Variants in SLC12A6 observed in about 807,000 individuals in gnomAD.
SLC12A6 encodes the protein solute carrier family 12 member 6, also known as K-Cl cotransporter 3.
SLC12A6 carries 66 observed loss-of-function variants against 135.3 expected under a neutral mutation model. That is an observed-to-expected ratio of 0.49 (90% CI 0.40 to 0.60). The LOEUF is 0.60. Among genes scored for constraint, SLC12A6 ranks in the 20% least tolerant of loss-of-function variants. SLC12A6 has a pLI of 0.00. For missense variants in SLC12A6, 1,058 were observed against 1,452.3 expected (o/e 0.73, Z 4.41); for synonymous variants, 513 against 508.8 (o/e 1.01, Z -0.11).
In SLC12A6 at chr15:34,252,276, G is replaced by T. The variant is rs1406437834; in HGVS notation, c.1227C>A (p.Phe409Leu). ...MTVPSKLWGF[F>L]CNSSQFFNAT... The stretch of plus-strand genomic sequence containing the variant: ...CATTGAAAAATTGACTCGAGTTACA[G>T]AAGAATCCCCATAACTTTGATGGGA... Residue 409 changes from phenylalanine (F) to leucine (L), a missense_variant, in exon 10 of 26, where the codon TTC (phenylalanine) becomes TTA (leucine). By Grantham distance (22) the Phe-to-Leu change is conservative. Transcript: ENST00000354181. The T allele has an allele frequency of 6.2e-7, 1 of 1,606,200 alleles. No homozygotes were observed. The highest frequency in any genetic ancestry group is 1.7e-5 in the Admixed American group (1 of 59,988).
intron 9 of SLC12A6, among the ~76,000 whole-genome samples, chr15:34,253,957 C>G (rs538955398): frequency 6.6e-6 from 1 of 152,330 alleles, no homozygotes; most frequent in South Asian, 2.1e-4. Flanking sequence ...TGGCTCACGC[C>G]TGTAATCCCA....
chr15:34,261,266 T>G (rs1341955233), intron 3 of SLC12A6, among the ~76,000 whole-genome samples: 1 of 152,026 alleles, frequency 6.6e-6, no homozygotes. Context: ...TCAAGACCCC[T>G]AGAGACGCTA....
intron 2 of SLC12A6, among the ~76,000 whole-genome samples, chr15:34,295,040 G>A (rs1175937711): frequency 6.6e-6 from 1 of 152,150 alleles, no homozygotes; most frequent in East Asian, 1.9e-4. Context: ...AACAACAATA[G>A]AAAGAATTAT....
At chr15:34,326,338 G>C (rs1290070195) in intron 2 of SLC12A6, among the ~76,000 whole-genome samples, 1 of 152,104 alleles carries the variant, frequency 6.6e-6, no homozygotes, top group East Asian at 1.9e-4. Flanking sequence ...ATGCTTGCTA[G>C]ATTAAAAACG....
At chr15:34,326,858 C>CTTTTTTTT (rs397963192) in intron 2 of SLC12A6, among the ~76,000 whole-genome samples, 2 of 72,176 alleles carry the variant, frequency 2.8e-5, no homozygotes, top group African/African-American at 8.4e-5. Context: ...CAACTGGCTG[C>CTTTTTTTT]TTTTTTTTTT....
At chr15:34,292,721 C>T (rs1479336276) in intron 2 of SLC12A6, among the ~76,000 whole-genome samples, 2 of 150,962 alleles carry the variant, frequency 1.3e-5, no homozygotes, top group African/African-American at 2.5e-5. Flanking sequence ...TCACCAATGG[C>T]AGACGCCCCT....
rs1179719938 is a variant in SLC12A6, at chr15:34,233,525, C to A, written c.*356G>T. On this transcript the variant is annotated 3_prime_UTR_variant, in exon 26 of 26. Coordinates refer to ENST00000354181, the MANE Select transcript of SLC12A6 (RefSeq NM_001365088.1). ...TGACTTCTGAGATTCATCTTTAATGCTGAATACGTACTTGACTTGCTTTTT... is the reference window on the plus strand; with the variant it reads ...TGACTTCTGAGATTCATCTTTAATGATGAATACGTACTTGACTTGCTTTTT... 7.6e-6 allele frequency: 2 copies of A among 263,784 alleles called. No individual in the cohort carries two copies. The highest frequency in any genetic ancestry group is 1.7e-4 in the East Asian group (2 of 12,094). 16.3% of individuals were successfully genotyped at this position (263,784 alleles called of 1,614,324 possible).
At chr15:34,238,078 T>G (rs1024110899) in intron 21 of SLC12A6, among the ~76,000 whole-genome samples, 154 bp downstream of exon 21, 2 of 152,230 alleles carry the variant, frequency 1.3e-5, no homozygotes, top group Non-Finnish European at 2.9e-5. Context: ...ATTTCTCTTG[T>G]TTGAAAGTGG....
At chr15:34,295,324 CAT>C (rs765297468) in intron 2 of SLC12A6, among the ~76,000 whole-genome samples, 9 of 152,194 alleles carry the variant, frequency 5.9e-5, no homozygotes, top group African/African-American at 1.2e-4. Context: ...AGCTCTACCA[CAT>C]GTTATTAGTG....
intron 4 of SLC12A6, among the ~76,000 whole-genome samples, chr15:34,259,782 T>C (rs559480385): frequency 6.6e-6 from 1 of 152,374 alleles, no homozygotes; most frequent in African/African-American, 2.4e-5. Context: ...GTCCATGTTG[T>C]CTTATTCAGA....
At chr15:34,323,804 T>C (rs1274533823) in intron 2 of SLC12A6, among the ~76,000 whole-genome samples, 1 of 152,016 alleles carries the variant, frequency 6.6e-6, no homozygotes, top group East Asian at 1.9e-4. Context: ...TCAGAAAAAT[T>C]TAGCCAGGTT....
rs199747285 is a variant in SLC12A6 at position 34,260,958 on chromosome 15, C to A, written c.379G>T (p.Glu127Ter). The change falls in exon 4 of 26, where the codon GAA becomes TAA. Residue 127 changes from glutamate to a stop codon, truncating the protein, a stop_gained. Coordinates refer to ENST00000354181, the MANE Select transcript of SLC12A6 (RefSeq NM_001365088.1). LOFTEE classifies it high-confidence loss of function. Reference protein sequence around the residue: ...LNNSNYEEGDEYFDKNLALFE... With the variant: ...LNNSNYEEGD ...AGTGCCAAATTTTTATCAAAATATT[C>A]ATCTCCTTCTTCATAATTGGAATTA... 5.2e-6 allele frequency: 8 copies of A among 1,540,642 alleles called. No homozygotes were observed. The highest frequency in any genetic ancestry group is 1.8e-6 in the Non-Finnish European group (2 of 1,113,370).
chr15:34,303,462 T>C (rs560599271), intron 2 of SLC12A6, among the ~76,000 whole-genome samples: 7 of 152,322 alleles, frequency 4.6e-5, no homozygotes, highest in East Asian at 1.9e-4. Flanking sequence ...CTTTTTTTCA[T>C]TGAGCCTAAT....
rs765426715 is a variant in SLC12A6, at chr15:34,252,325, G to C, written c.1178C>G (p.Thr393Ser). Residue 393 changes from threonine (T) to serine (S), a missense_variant, in exon 10 of 26, where the codon ACC becomes AGC. Around this residue, in one of 6 missense-constraint regions of SLC12A6, gnomAD observed 297 missense variants for 318.5 expected, o/e 0.93. Coordinates refer to ENST00000354181, the MANE Select transcript of SLC12A6 (RefSeq NM_001365088.1). ...SSRHIDVCSKTKEINNMTVPS... is the reference protein window; with the variant it reads ...SSRHIDVCSKSKEINNMTVPS... Reference sequence around the variant, plus strand: ...GACTGTCATGTTGTTAATTTCCTTGGTCTTAGAGCAAACGTCAATGTGTCT... The same window carrying C: ...GACTGTCATGTTGTTAATTTCCTTGCTCTTAGAGCAAACGTCAATGTGTCT... 1 of 1,613,138 alleles carries C rather than the reference G, an allele frequency of 6.2e-7. No homozygotes were observed. Among genetic ancestry groups the C allele is most frequent in the Admixed American group, 1.7e-5 (1 of 60,004 alleles).
intron 2 of SLC12A6, among the ~76,000 whole-genome samples, chr15:34,301,690 GA>G (rs542337621): frequency 9.4e-4 from 143 of 152,302 alleles, no homozygotes; most frequent in African/African-American, 3.3e-3. Flanking sequence ...TTATTTTAAA[GA>G]AAAGACAGCC....
intron 9 of SLC12A6, among the ~76,000 whole-genome samples, chr15:34,253,203 C>G (rs1892516454): frequency 6.6e-6 from 1 of 152,216 alleles, no homozygotes; most frequent in Non-Finnish European, 1.5e-5. Context: ...GTACCTATTA[C>G]TCAGCTTCAA....
At chr15:34,334,144 T>C (rs1890049967) in intron 2 of SLC12A6, among the ~76,000 whole-genome samples, 1 of 151,428 alleles carries the variant, frequency 6.6e-6, no homozygotes. Context: ...AGAAGACATA[T>C]GACAAGAAAC....
chr15:34,258,722 G>C, intron 5 of SLC12A6, 91 bp downstream of exon 5: 1 of 1,088,768 alleles, frequency 9.2e-7, no homozygotes. Context: ...TTAATAAATA[G>C]CTGCTGAACA....
At chr15:34,294,490 C>T (rs778075477) in intron 2 of SLC12A6, among the ~76,000 whole-genome samples, 7 of 152,170 alleles carry the variant, frequency 4.6e-5, no homozygotes, top group East Asian at 1.9e-4. Context: ...CTCTTGACCG[C>T]GTGATTCACC....
Sources: gnomAD v4.1 joint callset for allele counts (sites outside exome capture counted in the v4.1 genomes callset) on GRCh38, gnomAD v4.1.1 for gene constraint, gnomAD v4.1.1 regional missense constraint, MANE v1.5 for transcripts, NCBI Gene and HGNC (gene_info 2026-07-23, HGNC 2026-07-21) for gene names.